The following ERG variants were observed in gnomAD, a reference collection of about 807,000 sequenced individuals.
ERG encodes the protein transcriptional regulator ERG.
A neutral mutation model predicts 55.3 loss-of-function variants in ERG; 9 were observed. The ratio of observed to expected loss-of-function variants is 0.16; its 90% CI spans 0.10 to 0.28. ERG has a LOEUF of 0.28. Ranked by LOEUF, ERG falls within the 10% of genes least tolerant of loss-of-function variation. The pLI, the probability that ERG is intolerant of heterozygous loss-of-function variation, is 1.00. For missense variants in ERG, 434 were observed against 631.6 expected (o/e 0.69, Z 3.35); for synonymous variants, 223 against 237.3 (o/e 0.94, Z 0.55).
intron 1 of ERG, among the ~76,000 whole-genome samples, chr21:38,642,805 A>G (rs1419821163): frequency 1.3e-5 from 2 of 152,242 alleles, no homozygotes; most frequent in African/African-American, 4.8e-5. Flanking sequence ...GGAGAGGGGT[A>G]GAAACAAGGC....
chr21:38,466,300 G>GGGGTGTGTGTGT (rs1555903683), intron 1 of ERG, among the ~76,000 whole-genome samples: 157 of 140,684 alleles, frequency 1.1e-3, no homozygotes, highest in Admixed American at 2.7e-3. Context: ...GATGGTCTGG[G>GGGGTGTGTGTGT]GTGTGTGTGT....
chr21:38,372,356 C>T, the ERG span, among the ~76,000 whole-genome samples: 4 of 151,792 alleles, frequency 2.6e-5, no homozygotes, highest in Non-Finnish European at 2.9e-5. Flanking sequence ...TATAATATCC[C>T]ACTTCCTAAT....
chr21:38,652,105 G>A (rs1444231516), intron 1 of ERG, among the ~76,000 whole-genome samples: 1 of 152,110 alleles, frequency 6.6e-6, no homozygotes, highest in Admixed American at 6.5e-5. Context: ...TATTGAAGTA[G>A]GTGTCTGGTC....
chr21:38,390,967 A>G, intron 9 of ERG, 28 bp downstream of exon 9: 3 of 1,596,452 alleles, frequency 1.9e-6, no homozygotes, highest in Non-Finnish European at 2.6e-6. Flanking sequence ...GTAATTTTGT[A>G]AGAAGAAAAT....
rs538098600 is a variant in ERG, at chr21:38,535,551, T to C, written c.-41+40111A>G. Among the ~76,000 whole-genome samples the C allele has an allele frequency of 6.3e-4, 96 of 152,346 alleles. 1 individual carries two copies. The highest frequency in any genetic ancestry group is 9.8e-4 in the Admixed American group (15 of 15,302). On this transcript the variant is annotated intron_variant, in intron 2 of 8. Coordinates refer to the ERG transcript ENST00000398897. ...GATTTTCAAAACACCTTTATTTTTT[T>C]CCCTTATTTGTTCATTCCTTCATGT...
chr21:38,529,346 C>G (rs1490144474), intron 2 of ERG, among the ~76,000 whole-genome samples: 1 of 152,038 alleles, frequency 6.6e-6, no homozygotes, highest in Non-Finnish European at 1.5e-5. Context: ...AATTAAGGTG[C>G]TGGTGGTGGA....
At chr21:38,585,469 G>A (rs1473322807), upstream of ERG, among the ~76,000 whole-genome samples, 1 of 123,264 alleles carries the variant, frequency 8.1e-6, no homozygotes, top group Admixed American at 9.1e-5. Context: ...AAGATAGAAA[G>A]AAAAAAATCT....
rs1257330104 is a variant in ERG, at chr21:38,442,875, T to TC, written c.236+2528dup. On this transcript the variant is annotated intron_variant, in intron 2 of 9. Coordinates refer to ENST00000288319, the MANE Select transcript of ERG (RefSeq NM_182918.4). ...CAGGCTGGAGTGCAGTGGCGCGATC[T>TC]CGGCTCACTGCAAGCTCCGCCTCCC... is the stretch of plus-strand genomic sequence containing the variant. Among the ~76,000 whole-genome samples the TC allele has an allele frequency of 2.0e-5, 3 of 152,350 alleles. No individual in the cohort carries two copies. In the East Asian group the frequency reaches 5.8e-4, roughly 29 times the overall value.
At chr21:38,508,795 G>A (rs1434160311) in intron 2 of ERG, among the ~76,000 whole-genome samples, 3 of 152,252 alleles carry the variant, frequency 2.0e-5, no homozygotes, top group African/African-American at 7.2e-5. Context: ...TGAGGTCCAC[G>A]TTCCCACTCC....
chr21:38,530,807 C>T (rs2059667119), intron 2 of ERG, among the ~76,000 whole-genome samples: 1 of 152,154 alleles, frequency 6.6e-6, no homozygotes, highest in Non-Finnish European at 1.5e-5. Flanking sequence ...TCTGCAAGAG[C>T]AACTGATCTT....
chr21:38,648,611 G>A (rs545266661), intron 1 of ERG, among the ~76,000 whole-genome samples: 1 of 152,158 alleles, frequency 6.6e-6, no homozygotes, highest in Non-Finnish European at 1.5e-5. Context: ...ATCTCCCACG[G>A]CCTCTGCCTC....
intron 3 of ERG, among the ~76,000 whole-genome samples, chr21:38,414,910 A>C (rs886117197): frequency 2.0e-5 from 3 of 152,240 alleles, no homozygotes; most frequent in Non-Finnish European, 4.4e-5. Flanking sequence ...GACTTTCAAG[A>C]AAAACAGATA....
Position 38,459,325 on chromosome 21 carries a change from G to C in ERG, c.19-13704C>G, listed in dbSNP as rs529467518. ...TCAAGAGGGAAAGTTCTAAGACAGA[G>C]AATGCAAGATTTCTAAACAGGTCTA... On this transcript the variant is annotated intron_variant, in intron 1 of 9. Coordinates refer to ENST00000288319, the MANE Select transcript of ERG (RefSeq NM_182918.4). Among the ~76,000 whole-genome samples the C allele has an allele frequency of 1.6e-3, 251 of 152,372 alleles. 1 individual carries two copies. The highest frequency in any genetic ancestry group is 2.9e-3 in the Non-Finnish European group (195 of 68,038).
At chr21:38,444,153 T>G (rs2058867675) in intron 2 of ERG, among the ~76,000 whole-genome samples, 1 of 152,190 alleles carries the variant, frequency 6.6e-6, no homozygotes, top group African/African-American at 2.4e-5. Flanking sequence ...CTATGACACT[T>G]ATAATAAACC....
chr21:38,555,855 G>A (rs2146826095), intron 2 of ERG, among the ~76,000 whole-genome samples: 1 of 152,300 alleles, frequency 6.6e-6, no homozygotes, highest in East Asian at 1.9e-4. Flanking sequence ...ACTGGTATGT[G>A]CTTAAACTGG....
At chr21:38,592,666 C>A (rs1236272515) in intron 1 of ERG, among the ~76,000 whole-genome samples, 1 of 151,820 alleles carries the variant, frequency 6.6e-6, no homozygotes, top group African/African-American at 2.4e-5. Context: ...CTCAGTAAGG[C>A]AATCCTTAGA....
intron 2 of ERG, chr21:38,575,628 G>T: frequency 1.3e-6 from 2 of 1,529,960 alleles, no homozygotes; most frequent in Non-Finnish European, 1.8e-6. Context: ...ACAGAGGAAG[G>T]CAGAGCTGGC....
chr21:38,406,729 T>C (rs1988791212), intron 3 of ERG, among the ~76,000 whole-genome samples: 1 of 152,246 alleles, frequency 6.6e-6, no homozygotes, highest in African/African-American at 2.4e-5. Flanking sequence ...CTTCTCTAAA[T>C]GGTGGAACCG....
At chr21:38,553,229 G>C (rs1162839745) in intron 2 of ERG, among the ~76,000 whole-genome samples, 2 of 152,174 alleles carry the variant, frequency 1.3e-5, no homozygotes, top group African/African-American at 4.8e-5. Flanking sequence ...CCCATGGATA[G>C]GAAGAATCAA....
Sources: allele counts gnomAD v4.1 joint callset (sites outside exome capture counted in the v4.1 genomes callset), GRCh38; gene constraint gnomAD v4.1.1; transcripts MANE v1.5; gene names NCBI Gene and HGNC (gene_info 2026-07-23, HGNC 2026-07-21).